The following PCSK6 variants were observed in gnomAD, a reference collection of about 807,000 sequenced individuals.
PCSK6 encodes the protein proprotein convertase subtilisin/kexin type 6.
Under a neutral mutation model 123.3 loss-of-function variants are expected in PCSK6, and 85 were observed. The ratio of observed to expected loss-of-function variants is 0.69; its 90% CI spans 0.58 to 0.83. The LOEUF (loss-of-function observed/expected upper bound fraction) is 0.83. Among genes scored for constraint, PCSK6 ranks in the 40% least tolerant of loss-of-function variants. The pLI is 0.00. For missense variants in PCSK6, 1,191 were observed against 1,282.3 expected (o/e 0.93, Z 1.09); for synonymous variants, 508 against 516.0 (o/e 0.98, Z 0.21).
intron 6 of PCSK6, among the ~76,000 whole-genome samples, chr15:101,409,038 G>A (rs1252271722): frequency 6.6e-6 from 1 of 152,214 alleles, no homozygotes; most frequent in Admixed American, 6.5e-5. Context: ...CCGGAGCAGG[G>A]GAGCTTTTCT....
At chr15:101,355,506 C>T (rs117778875) in intron 13 of PCSK6, among the ~76,000 whole-genome samples, 3,233 of 152,344 alleles carry the variant, frequency 0.021, 52 homozygotes, top group Non-Finnish European at 0.032. Context: ...CCTGGTCAAA[C>T]TGCCTGCAGG....
At chr15:101,428,762 G>A (rs1044905222) in intron 5 of PCSK6, among the ~76,000 whole-genome samples, 1 of 152,194 alleles carries the variant, frequency 6.6e-6, no homozygotes, top group African/African-American at 2.4e-5. Context: ...GCCCCAGGCA[G>A]CAGCCCTCTG....
chr15:101,313,491 C>A lies in PCSK6; in HGVS notation c.2584G>T (p.Glu862Ter). 6.2e-7 allele frequency: 1 copy of A among 1,602,830 alleles called. No homozygotes were observed. The change falls in exon 20 of 22, where the codon GAG becomes TAG. Residue 862 changes from glutamate to a stop codon, truncating the protein, a stop_gained. Transcript: ENST00000611716. LOFTEE classifies it high-confidence loss of function. The part of the protein sequence containing the change: ...CGTCVGPGRE[E>*]CIHCAKNFHF... ...AAGTTTTTCGCACAGTGAATGCACTCTTCTCTGCCTGGCCCTGAGAGACAC... is the reference window on the plus strand; with the variant it reads ...AAGTTTTTCGCACAGTGAATGCACTATTCTCTGCCTGGCCCTGAGAGACAC...
intron 1 of PCSK6, among the ~76,000 whole-genome samples, chr15:101,476,574 A>AC (rs1567251492): frequency 6.6e-6 from 1 of 151,948 alleles, no homozygotes; most frequent in African/African-American, 2.4e-5. Context: ...AAAAAAAAAA[A>AC]AACAACAAAA....
In PCSK6 at chr15:101,332,650, A is replaced by C. The variant is rs193263557; in HGVS notation, c.1859-619T>G. The stretch of plus-strand genomic sequence containing the variant: ...ATGTCTGCAGAAGCTGGGTGGAGGA[A>C]GAACATCTTTGAAAGCAGGGGGATG... On this transcript the variant is annotated intron_variant, in intron 13 of 21. Transcript: ENST00000611716. Among the ~76,000 whole-genome samples the C allele has an allele frequency of 8.5e-4, 129 of 152,354 alleles. 1 individual carries two copies. Among genetic ancestry groups the C allele is most frequent in the African/African-American group, 3.0e-3 (124 of 41,574 alleles).
Position 101,322,064 on chromosome 15 carries a change from G to C in PCSK6, c.2465+456C>G, listed in dbSNP as rs1273800441. On this transcript the variant is annotated intron_variant, in intron 18 of 21. Coordinates refer to ENST00000611716, the MANE Select transcript of PCSK6 (RefSeq NM_002570.5). ...TGAGCTTTATGGGGCTGAGCCTGAT[G>C]AACAGGGAGAACCAGGAACGTAAAG... 2.0e-5 allele frequency among the ~76,000 whole-genome samples: 3 copies of C among 152,314 alleles called. No homozygotes were observed. The East Asian group carries it at 5.8e-4, about 29-fold the overall frequency.
chr15:101,429,939 C>T lies in PCSK6; in HGVS notation c.734+48G>A, dbSNP rs3743189. ...CTCGCACACACATTCAATAGTGACGCTGCAGGGAGGGGAAGAGAAGCCGGG... is the reference window on the plus strand; with the variant it reads ...CTCGCACACACATTCAATAGTGACGTTGCAGGGAGGGGAAGAGAAGCCGGG... On this transcript the variant is annotated intron_variant, in intron 5 of 21. Transcript: ENST00000611716. 298 of 1,460,648 alleles carry T rather than the reference C, an allele frequency of 2.0e-4. No homozygotes were observed. In the East Asian group the frequency reaches 6.5e-3, roughly 32 times the overall value. 90.5% of individuals were successfully genotyped at this position (1,460,648 alleles called of 1,614,324 possible). A position where few individuals can be genotyped will look rare whatever the true frequency, so the allele number is the denominator to read the frequency against.
intron 13 of PCSK6, chr15:101,365,186 C>A: frequency 2.1e-6 from 1 of 465,690 alleles, no homozygotes; most frequent in South Asian, 5.5e-5. Flanking sequence ...CTATAACACT[C>A]TTAAAAGGAA....
intron 17 of PCSK6, 43 bp downstream of exon 17, chr15:101,324,807 G>C: frequency 2.0e-6 from 3 of 1,531,044 alleles, no homozygotes; most frequent in Non-Finnish European, 2.7e-6. Flanking sequence ...CAGAAAGTTG[G>C]GGCTGGCTCA....
chr15:101,402,641 A>G (rs1441551731), intron 6 of PCSK6, among the ~76,000 whole-genome samples: 1 of 152,274 alleles, frequency 6.6e-6, no homozygotes, highest in Admixed American at 6.5e-5. Flanking sequence ...AAAAGAAGAC[A>G]TTTATGCAGC....
intron 7 of PCSK6, among the ~76,000 whole-genome samples, chr15:101,397,743 C>T (rs762351642): frequency 5.3e-5 from 8 of 152,256 alleles, no homozygotes; most frequent in African/African-American, 9.6e-5. Context: ...CCACCTCCTC[C>T]CCCTTCCTCA....
At chr15:101,483,146 G>A (rs891820271) in intron 1 of PCSK6, among the ~76,000 whole-genome samples, 8 of 152,146 alleles carry the variant, frequency 5.3e-5, no homozygotes, top group Non-Finnish European at 1.2e-4. Context: ...GCCTTAGACC[G>A]AAAACCAATC....
intron 1 of PCSK6, among the ~76,000 whole-genome samples, chr15:101,464,246 C>G (rs2057404514): frequency 6.6e-6 from 1 of 152,056 alleles, no homozygotes; most frequent in African/African-American, 2.4e-5. Flanking sequence ...CAAGGCAGAC[C>G]CCAAGGCACA....
At chr15:101,431,494 G>A (rs1277612126) in intron 3 of PCSK6, 31 bp from the exon 4 acceptor site, 60 of 1,612,342 alleles carry the variant, frequency 3.7e-5, no homozygotes, top group Non-Finnish European at 4.5e-5. Context: ...AAGTCCCCCC[G>A]ACATGGACAT....
chr15:101,443,673 A>C lies in PCSK6; in HGVS notation c.298-13T>G, dbSNP rs2056815572. The stretch of plus-strand genomic sequence containing the variant: ...CCAGGTTTCCAATCTGCAAGACAAG[A>C]AGCAGAATGCCATCAATTAATAGTC... On this transcript the variant is annotated splice_polypyrimidine_tract_variant and intron_variant, in intron 1 of 21. Transcript: ENST00000611716. The C allele has an allele frequency of 3.8e-6, 6 of 1,578,210 alleles. No individual in the cohort carries two copies. The highest frequency in any genetic ancestry group is 5.2e-6 in the Non-Finnish European group (6 of 1,147,362).
At chr15:101,335,674 T>C (rs117648678) in intron 13 of PCSK6, among the ~76,000 whole-genome samples, 6 of 152,246 alleles carry the variant, frequency 3.9e-5, no homozygotes, top group Non-Finnish European at 5.9e-5. Context: ...ACAGGAGAGA[T>C]GTAGTGTTGT....
chr15:101,437,028 C>T lies in PCSK6; in HGVS notation c.403-4928G>A, dbSNP rs138833207. Among the ~76,000 whole-genome samples, 126 of 152,288 alleles carry T rather than the reference C, an allele frequency of 8.3e-4. 1 individual carries two copies. Among genetic ancestry groups the T allele is most frequent in the African/African-American group, 2.8e-3 (117 of 41,556 alleles). On this transcript the variant is annotated intron_variant, in intron 2 of 21. Coordinates refer to ENST00000611716, the MANE Select transcript of PCSK6 (RefSeq NM_002570.5). Reference sequence around the variant, plus strand: ...GGACAGGCTCGAGTCCCAGAAACCCCAGAACTGTATGCAAAATGGTGCCGG... The same window carrying T: ...GGACAGGCTCGAGTCCCAGAAACCCTAGAACTGTATGCAAAATGGTGCCGG...
Position 101,347,759 on chromosome 15 carries a change from G to A in PCSK6, c.1859-15728C>T, listed in dbSNP as rs144738848. On this transcript the variant is annotated intron_variant, in intron 13 of 21. Transcript: ENST00000611716. Reference sequence around the variant, plus strand: ...CTTGTTCAATCTGCCACCGGAACACGTGTTTTAGTCCAGGTTCCCTGGAAA... The same window carrying A: ...CTTGTTCAATCTGCCACCGGAACACATGTTTTAGTCCAGGTTCCCTGGAAA... The A allele has an allele frequency of 6.5e-5, 105 of 1,613,730 alleles. No individual in the cohort carries two copies. The African/African-American group carries it at 1.3e-3, about 19-fold the overall frequency.
At chr15:101,396,064 C>A (rs115034111) in intron 7 of PCSK6, among the ~76,000 whole-genome samples, 5 of 152,116 alleles carry the variant, frequency 3.3e-5, no homozygotes, top group African/African-American at 1.2e-4. Flanking sequence ...GGTTTGAGAT[C>A]ATCAAATTTC....
Sources: gnomAD v4.1 joint callset for allele counts (sites outside exome capture counted in the v4.1 genomes callset) on GRCh38, gnomAD v4.1.1 for gene constraint, MANE v1.5 for transcripts, NCBI Gene and HGNC (gene_info 2026-07-23, HGNC 2026-07-21) for gene names.